Variants in DYSF observed in about 807,000 individuals in gnomAD.
DYSF encodes the protein dysferlin.
Under a neutral mutation model 274.9 loss-of-function variants are expected in DYSF, and 212 were observed. The ratio of observed to expected loss-of-function variants is 0.77; its 90% CI spans 0.69 to 0.86. The LOEUF is 0.86. Among genes scored for constraint, DYSF ranks in the 40% least tolerant of loss-of-function variants. The pLI is 0.00. For synonymous variants in DYSF, 1,091 were observed against 1,078.7 expected, an observed-to-expected ratio of 1.01 and a Z score of -0.22; for missense variants, 2,666 against 2,783.2, an observed-to-expected ratio of 0.96 and a Z score of 0.95.
chr2:71,620,497 C>T, intron 40 of DYSF, 50 bp from the exon 41 acceptor site: 1 of 1,547,810 alleles, frequency 6.5e-7, no homozygotes, highest in Non-Finnish European at 8.7e-7. Context: ...CCAGCCTTCC[C>T]TAAAGTGGGT....
chr2:71,569,262 C>A (rs2092293366), intron 26 of DYSF, among the ~76,000 whole-genome samples: 1 of 152,210 alleles, frequency 6.6e-6, no homozygotes, highest in African/African-American at 2.4e-5. Flanking sequence ...CCCATCACCT[C>A]CTCTGCACGT....
intron 41 of DYSF, among the ~76,000 whole-genome samples, chr2:71,625,260 G>A (rs1213481699): frequency 6.6e-6 from 1 of 152,056 alleles, no homozygotes; most frequent in Non-Finnish European, 1.5e-5. Flanking sequence ...AGAAAAGACT[G>A]TTAAAGGGAG....
chr2:71,575,495 C>T (rs6708516), intron 30 of DYSF, among the ~76,000 whole-genome samples: 1 of 151,912 alleles, frequency 6.6e-6, no homozygotes, highest in African/African-American at 2.4e-5. Flanking sequence ...CGGCCAGGGT[C>T]GGGCAGGATA....
chr2:71,455,482 T>C (rs1159161711), intron 1 of DYSF, among the ~76,000 whole-genome samples: 2 of 152,158 alleles, frequency 1.3e-5, no homozygotes, highest in Non-Finnish European at 2.9e-5. Flanking sequence ...CCTCCGGAAA[T>C]GAGCTTTATC....
At chr2:71,640,301 T>C (rs2094467075) in intron 41 of DYSF, among the ~76,000 whole-genome samples, 1 of 152,260 alleles carries the variant, frequency 6.6e-6, no homozygotes, top group African/African-American at 2.4e-5. Context: ...AAAGCTTCCT[T>C]TTATTTTTAA....
At chr2:71,539,291 C>T in intron 17 of DYSF, 52 bp downstream of exon 17, 5 of 1,487,782 alleles carry the variant, frequency 3.4e-6, no homozygotes, top group East Asian at 2.3e-5. Flanking sequence ...TCCCCCGTAC[C>T]CCCTCTATCC....
At chr2:71,605,480 G>A (rs2093629633) in intron 36 of DYSF, among the ~76,000 whole-genome samples, 1 of 152,160 alleles carries the variant, frequency 6.6e-6, no homozygotes, top group Non-Finnish European at 1.5e-5. Flanking sequence ...TACAGAACAT[G>A]TGTAGAAGAA....
intron 3 of DYSF, 62 bp downstream of exon 3, chr2:71,482,032 C>T (rs1043519814): frequency 2.2e-6 from 3 of 1,371,302 alleles, no homozygotes; most frequent in Admixed American, 1.8e-5. Context: ...GTGGAGTATA[C>T]AGACTGCAGA....
chr2:71,675,153 G>C (rs1298035008), intron 52 of DYSF, among the ~76,000 whole-genome samples: 2 of 152,072 alleles, frequency 1.3e-5, no homozygotes, highest in African/African-American at 2.4e-5. Flanking sequence ...ATTGGGGGAG[G>C]GGGGATGGGG....
At chr2:71,455,391 A>C (rs1226024588) in intron 1 of DYSF, among the ~76,000 whole-genome samples, 1 of 152,182 alleles carries the variant, frequency 6.6e-6, no homozygotes, top group Non-Finnish European at 1.5e-5. Context: ...GTGGGGACCA[A>C]GGGGGTGGCT....
At chr2:71,508,061 T>C (rs959056989) in intron 4 of DYSF, among the ~76,000 whole-genome samples, 6 of 152,212 alleles carry the variant, frequency 3.9e-5, no homozygotes, top group African/African-American at 1.4e-4. Flanking sequence ...GGAGTCAGCA[T>C]GGATGGGCAG....
intron 3 of DYSF, among the ~76,000 whole-genome samples, chr2:71,492,142 A>G (rs918338803): frequency 4.6e-5 from 7 of 152,228 alleles, no homozygotes; most frequent in African/African-American, 1.7e-4. Context: ...CCTGGCTTTC[A>G]GAATCATTTT....
intron 3 of DYSF, among the ~76,000 whole-genome samples, chr2:71,502,679 G>C (rs554291464): frequency 1.4e-3 from 213 of 152,318 alleles, no homozygotes; most frequent in Non-Finnish European, 2.3e-3. Context: ...GGCCTCTCAG[G>C]AGTGGAGCCT....
intron 1 of DYSF, among the ~76,000 whole-genome samples, chr2:71,459,057 G>A (rs1337877077): frequency 2.0e-5 from 3 of 152,164 alleles, no homozygotes; most frequent in African/African-American, 7.2e-5. Flanking sequence ...TCCACCTGGT[G>A]GACTGGGATA....
chr2:71,527,554 G>A (rs1049394566), intron 13 of DYSF, among the ~76,000 whole-genome samples: 4 of 151,366 alleles, frequency 2.6e-5, no homozygotes, highest in Non-Finnish European at 5.9e-5. Context: ...TTCTTAAGGT[G>A]AAAGAGCTTT....
chr2:71,545,613 G>A (rs1002591428), intron 17 of DYSF, among the ~76,000 whole-genome samples: 5 of 152,162 alleles, frequency 3.3e-5, no homozygotes, highest in Admixed American at 1.3e-4. Context: ...AAGGAACCTC[G>A]TCTTCAGTTT....
At chr2:71,548,802 G>C (rs1437932705) in intron 17 of DYSF, among the ~76,000 whole-genome samples, 3 of 145,982 alleles carry the variant, frequency 2.1e-5, no homozygotes, top group Non-Finnish European at 4.4e-5. Flanking sequence ...GAGCCTTCAG[G>C]GGGGTGATCC....
chr2:71,549,237 G>T (rs1031099557), intron 17 of DYSF: 1 of 1,006,702 alleles, frequency 9.9e-7, no homozygotes, highest in East Asian at 2.6e-5. Flanking sequence ...ACACCCGGGA[G>T]CTGTCTTTCC....
rs1266538564 is a variant in DYSF at position 71,561,872 on chromosome 2, C to T, written c.2337C>T (p.Gly779=). The change falls in exon 23 of 56, where the codon GGC becomes GGT. Residue 779 remains glycine (G), a synonymous_variant. Transcript: ENST00000410020. ...AGGCTGCCCTGGCCCTGAAGCTCGG[C>T]CACAGTGAGCTCCCTGCAGCTCTGG... is the stretch of plus-strand genomic sequence containing the variant. ...ITEAALALKL[G]HSELPAALEQ... 9.9e-6 allele frequency: 16 copies of T among 1,614,038 alleles called. No homozygotes were observed. The highest frequency in any genetic ancestry group is 1.6e-4 in the Middle Eastern group (1 of 6,084).
Sources: allele counts gnomAD v4.1 joint callset (sites outside exome capture counted in the v4.1 genomes callset), GRCh38; gene constraint gnomAD v4.1.1; transcripts MANE v1.5; gene names NCBI Gene and HGNC (gene_info 2026-07-23, HGNC 2026-07-21).